Variants in CTNNA3 observed in about 807,000 individuals in gnomAD.
CTNNA3 encodes the protein catenin alpha 3.
Under a neutral mutation model 95.7 loss-of-function variants are expected in CTNNA3, and 76 were observed. The ratio of observed to expected loss-of-function variants is 0.79; its 90% CI spans 0.66 to 0.96. The LOEUF (loss-of-function observed/expected upper bound fraction) is 0.96. Among genes scored for constraint, CTNNA3 ranks in the 40% least tolerant of loss-of-function variants. The pLI is 0.00. For missense variants in CTNNA3, 1,191 were observed against 1,089.8 expected, an observed-to-expected ratio of 1.09 and a Z score of -1.31; for synonymous variants, 431 against 374.4, an observed-to-expected ratio of 1.15 and a Z score of -1.74.
chr10:67,361,351 C>A (rs974889684), intron 5 of CTNNA3, among the ~76,000 whole-genome samples: 4 of 152,152 alleles, frequency 2.6e-5, no homozygotes, highest in Admixed American at 6.5e-5. Context: ...ACAGAACATA[C>A]TGCAAGACTG....
intron 1 of CTNNA3, among the ~76,000 whole-genome samples, chr10:67,707,453 A>G (rs1175052379): frequency 6.6e-6 from 1 of 152,130 alleles, no homozygotes; most frequent in East Asian, 1.9e-4. Flanking sequence ...CTTTGCCTGA[A>G]ACCATTTGCT....
At chr10:66,890,933 G>T (rs962894808) in intron 7 of CTNNA3, among the ~76,000 whole-genome samples, 31 of 152,188 alleles carry the variant, frequency 2.0e-4, no homozygotes, top group African/African-American at 7.5e-4. Flanking sequence ...AGAGCCATTT[G>T]TGTGCCCCAC....
rs190465677 is a variant in CTNNA3 at position 66,532,499 on chromosome 10, C to G, written c.1375-11726G>C. ...AAAAAAAAGGCATGTATTTGAAATG[C>G]CTGACAGCTTGGGATTAGACATATT... On this transcript the variant is annotated intron_variant, in intron 10 of 17. Coordinates refer to ENST00000433211, the MANE Select transcript of CTNNA3 (RefSeq NM_013266.4). Among the ~76,000 whole-genome samples, 190 of 151,502 alleles carry G rather than the reference C, an allele frequency of 1.3e-3. 1 individual carries two copies. Among genetic ancestry groups the G allele is most frequent in the African/African-American group, 4.3e-3 (179 of 41,302 alleles).
intron 11 of CTNNA3, among the ~76,000 whole-genome samples, chr10:66,480,691 G>A (rs1193470576): frequency 1.3e-5 from 2 of 151,962 alleles, no homozygotes; most frequent in Non-Finnish European, 1.5e-5. Flanking sequence ...TGCAACCTCC[G>A]TCTCACAGGT....
intron 10 of CTNNA3, among the ~76,000 whole-genome samples, chr10:66,551,892 T>C (rs1842227843): frequency 6.7e-6 from 1 of 149,060 alleles, no homozygotes; most frequent in Non-Finnish European, 1.5e-5. Flanking sequence ...AATCTTTTCT[T>C]TTCCTTTTTT....
Position 66,520,720 on chromosome 10 carries a change from T to G in CTNNA3, c.1428A>C (p.Lys476Asn). ...TACGCTTGTACATTTCCATGGTGTT[T>G]TTGACCGCTTGACTTTTGGGTCTTG... ...LAARPKSQAV[K>N]NTMEMYKRTW... The change falls in exon 11 of 18, where the codon AAA (lysine) becomes AAC (asparagine). Residue 476 changes from lysine (K) to asparagine (N), a missense_variant. Transcript: ENST00000433211. The G allele has an allele frequency of 6.2e-7, 1 of 1,613,088 alleles. No individual in the cohort carries two copies. Among genetic ancestry groups the G allele is most frequent in the East Asian group, 2.2e-5 (1 of 44,788 alleles).
At chr10:66,522,538 C>T (rs1026023878) in intron 10 of CTNNA3, among the ~76,000 whole-genome samples, 2 of 152,104 alleles carry the variant, frequency 1.3e-5, no homozygotes, top group African/African-American at 4.8e-5. Context: ...CAGCACTTCT[C>T]TTTCCTGCCG....
At chr10:66,818,659 T>C (rs1357147204) in intron 7 of CTNNA3, among the ~76,000 whole-genome samples, 1 of 152,218 alleles carries the variant, frequency 6.6e-6, no homozygotes, top group Non-Finnish European at 1.5e-5. Flanking sequence ...AATATTCTCA[T>C]GATGTCAACA....
chr10:66,970,898 A>G (rs1032778103), intron 7 of CTNNA3, among the ~76,000 whole-genome samples: 2 of 152,132 alleles, frequency 1.3e-5, no homozygotes, highest in African/African-American at 2.4e-5. Flanking sequence ...AGAATTCTCA[A>G]TGTTCAAGCA....
chr10:66,612,101 T>A (rs1844349449), intron 10 of CTNNA3, among the ~76,000 whole-genome samples: 1 of 152,150 alleles, frequency 6.6e-6, no homozygotes. Flanking sequence ...GGTACTAGGC[T>A]ATAAACCTCA....
At chr10:66,541,596 C>A (rs567126468) in intron 10 of CTNNA3, among the ~76,000 whole-genome samples, 1 of 152,100 alleles carries the variant, frequency 6.6e-6, no homozygotes, top group Non-Finnish European at 1.5e-5. Flanking sequence ...ATCATCCAAG[C>A]TTTTCTCTAT....
intron 5 of CTNNA3, among the ~76,000 whole-genome samples, chr10:67,294,608 A>T (rs1436112695): frequency 6.6e-6 from 1 of 152,150 alleles, no homozygotes; most frequent in Non-Finnish European, 1.5e-5. Flanking sequence ...CAAGGAAAGG[A>T]ATTCTAAAAA....
At chr10:67,528,366 T>G (rs1840212916) in intron 4 of CTNNA3, among the ~76,000 whole-genome samples, 1 of 152,204 alleles carries the variant, frequency 6.6e-6, no homozygotes, top group Non-Finnish European at 1.5e-5. Context: ...GCTTTCAGAC[T>G]ATAGTTCAAA....
At chr10:66,661,345 C>G (rs957975368) in intron 9 of CTNNA3, among the ~76,000 whole-genome samples, 1 of 152,022 alleles carries the variant, frequency 6.6e-6, no homozygotes, top group Non-Finnish European at 1.5e-5. Flanking sequence ...CCCTGATAAA[C>G]CCATCGGTTC....
chr10:67,008,080 GT>G lies in CTNNA3; in HGVS notation c.1047+172236del, dbSNP rs200784412. On this transcript the variant is annotated intron_variant, in intron 7 of 17. Transcript: ENST00000433211. ...AAAAATGAGATGTTTCTTTTTTCTT[GT>G]TTTTTTTTAATGCCCATCTTTATCC... 9.4e-5 allele frequency among the ~76,000 whole-genome samples: 14 copies of G among 148,724 alleles called. No homozygotes were observed. The South Asian group carries it at 1.5e-3, about 16-fold the overall frequency.
chr10:66,830,360 G>T (rs768711761), intron 7 of CTNNA3, among the ~76,000 whole-genome samples: 65 of 152,182 alleles, frequency 4.3e-4, no homozygotes, highest in Non-Finnish European at 8.4e-4. Context: ...ATACCTGAAG[G>T]TTTTTCTTTC....
chr10:67,212,970 A>ATTTT (rs200162257), intron 6 of CTNNA3, among the ~76,000 whole-genome samples: 6,553 of 151,864 alleles, frequency 0.043, 177 homozygotes, highest in South Asian at 0.088. Flanking sequence ...ATTGAGAGCT[A>ATTTT]CTTTGTTTGT....
chr10:66,330,333 C>T (rs1212110343), intron 12 of CTNNA3, among the ~76,000 whole-genome samples: 1 of 150,208 alleles, frequency 6.7e-6, no homozygotes, highest in African/African-American at 2.5e-5. Context: ...GGTTTTTTGT[C>T]CTTGCCATAG....
chr10:67,058,927 G>C (rs1425191276), intron 7 of CTNNA3, among the ~76,000 whole-genome samples: 1 of 152,132 alleles, frequency 6.6e-6, no homozygotes, highest in African/African-American at 2.4e-5. Flanking sequence ...CAAGGACATT[G>C]TAAGCCATAA....
Sources: allele counts gnomAD v4.1 joint callset (sites outside exome capture counted in the v4.1 genomes callset), GRCh38; gene constraint gnomAD v4.1.1; transcripts MANE v1.5; gene names NCBI Gene and HGNC (gene_info 2026-07-23, HGNC 2026-07-21).